ARHGAP28: variants seen among roughly 807,000 people sequenced by gnomAD.
The protein encoded by ARHGAP28 is rho GTPase-activating protein 28.
A neutral mutation model predicts 90.7 loss-of-function variants in ARHGAP28; 56 were observed. The observed-to-expected ratio is 0.62, with a 90% confidence interval of 0.50 to 0.77. The LOEUF is 0.77. ARHGAP28 is among the 30% of genes least tolerant of loss of function. The pLI is 0.00. For missense variants in ARHGAP28, 869 were observed against 900.9 expected (o/e 0.96, Z 0.45); for synonymous variants, 308 against 323.3 (o/e 0.95, Z 0.51).
chr18:6,791,844 T>TTTTG lies in ARHGAP28; in HGVS notation c.123-32898_123-32895dup, dbSNP rs1395681991. 1.6e-4 allele frequency among the ~76,000 whole-genome samples: 24 copies of TTTTG among 152,210 alleles called. No homozygotes were observed. In the South Asian group the frequency reaches 1.7e-3, roughly 11 times the overall value. On this transcript the variant is annotated intron_variant, in intron 1 of 17. Coordinates refer to ENST00000383472, the MANE Select transcript of ARHGAP28 (RefSeq NM_001366230.1). ...CTTTTTTTTTTAATTTGTGGGTTTT[T>TTTTG]TTTGTTTGTTTGTTTGTTTGTTTTT...
At chr18:6,794,707 G>A (rs1185649872) in intron 1 of ARHGAP28, among the ~76,000 whole-genome samples, 1 of 151,934 alleles carries the variant, frequency 6.6e-6, no homozygotes, top group African/African-American at 2.4e-5. Flanking sequence ...GTTTGGTCAG[G>A]GTCTTGCTCT....
rs1328799620 is a variant in ARHGAP28 at position 6,849,086 on chromosome 18, GA to G, written c.544-1935del. Among the ~76,000 whole-genome samples the G allele has an allele frequency of 1.5e-3, 210 of 137,868 alleles. 2 individuals are homozygous for G. Among genetic ancestry groups the G allele is most frequent in the African/African-American group, 4.6e-3 (174 of 37,552 alleles). 90.4% of individuals were successfully genotyped at this position (137,868 alleles called of 152,430 possible). On this transcript the variant is annotated intron_variant, in intron 3 of 17. Coordinates refer to ENST00000383472, the MANE Select transcript of ARHGAP28 (RefSeq NM_001366230.1). ...GTGAAAAAGCGAGAACCTGTCTCTA[GA>G]AAAAAAAAAAAATTAAAAAAATTAG...
chr18:6,756,784 A>G (rs1003717552), intron 1 of ARHGAP28, among the ~76,000 whole-genome samples: 3 of 152,200 alleles, frequency 2.0e-5, no homozygotes, highest in African/African-American at 7.2e-5. Context: ...GTGTGAGTCC[A>G]AGAGTCCAAA....
chr18:6,768,839 G>A (rs985732777), intron 1 of ARHGAP28, among the ~76,000 whole-genome samples: 2 of 152,042 alleles, frequency 1.3e-5, no homozygotes, highest in Non-Finnish European at 2.9e-5. Flanking sequence ...CGGTTCATCC[G>A]GGTGGAAAGC....
chr18:6,877,739 G>T (rs927865029), intron 10 of ARHGAP28, among the ~76,000 whole-genome samples: 2 of 152,274 alleles, frequency 1.3e-5, no homozygotes, highest in South Asian at 4.1e-4. Context: ...TCCGTTTCTC[G>T]TGTGTTTCGT....
intron 7 of ARHGAP28, 33 bp from the exon 8 acceptor site, chr18:6,873,376 A>G (rs2057104891): frequency 6.3e-7 from 1 of 1,581,228 alleles, no homozygotes; most frequent in Non-Finnish European, 8.6e-7. Context: ...TTCCTTTGCC[A>G]TAAAAAATAA....
At chr18:6,822,596 G>A (rs11081273) in intron 1 of ARHGAP28, among the ~76,000 whole-genome samples, 3,140 of 152,062 alleles carry the variant, frequency 0.021, 121 homozygotes, top group African/African-American at 0.072. Flanking sequence ...ATTATCACCC[G>A]GTTATCAGAC....
At chr18:6,810,563 C>T (rs1479145692) in intron 1 of ARHGAP28, among the ~76,000 whole-genome samples, 6 of 152,070 alleles carry the variant, frequency 3.9e-5, no homozygotes, top group Non-Finnish European at 7.4e-5. Context: ...CCAATAATCC[C>T]AATCCCTGTA....
At chr18:6,903,373 G>A (rs1250868798) in intron 16 of ARHGAP28, among the ~76,000 whole-genome samples, 1 of 152,144 alleles carries the variant, frequency 6.6e-6, no homozygotes, top group East Asian at 1.9e-4. Context: ...AATGTTTTAA[G>A]TGTGAGGATA....
chr18:6,853,165 G>GT (rs1257342034), intron 4 of ARHGAP28, among the ~76,000 whole-genome samples: 1 of 152,178 alleles, frequency 6.6e-6, no homozygotes, highest in Non-Finnish European at 1.5e-5. Flanking sequence ...GGTCCATGGT[G>GT]TAAACCAAAA....
chr18:6,754,101 T>A (rs9951953), intron 1 of ARHGAP28, among the ~76,000 whole-genome samples: 6,123 of 152,314 alleles, frequency 0.04, 413 homozygotes, highest in African/African-American at 0.14. Flanking sequence ...GAATACTGTT[T>A]AAAACATTAT....
At chr18:6,841,180 C>T (rs1329026728) in intron 3 of ARHGAP28, among the ~76,000 whole-genome samples, 14 of 57,068 alleles carry the variant, frequency 2.5e-4, no homozygotes, top group African/African-American at 1.0e-3. Flanking sequence ...CTCTCTCTCT[C>T]CTCTCTCTCT....
In ARHGAP28 at chr18:6,887,360, C is replaced by T. The variant is rs1465800672; in HGVS notation, c.1536+121C>T. On this transcript the variant is annotated intron_variant, in intron 12 of 17. Coordinates refer to ENST00000383472, the MANE Select transcript of ARHGAP28 (RefSeq NM_001366230.1). The stretch of plus-strand genomic sequence containing the variant: ...GAGCCACCTGAGCATGCTGCAAACA[C>T]ACGGCCTTTCTGTGCTCCCACTGCC... 7 of 818,306 alleles carry T rather than the reference C, an allele frequency of 8.6e-6. No individual in the cohort carries two copies. In the Admixed American group the frequency reaches 1.4e-4, roughly 17 times the overall value. 50.7% of individuals were successfully genotyped at this position (818,306 alleles called of 1,614,324 possible). A position where few individuals can be genotyped will look rare whatever the true frequency, so the allele number is the denominator to read the frequency against.
intron 1 of ARHGAP28, among the ~76,000 whole-genome samples, chr18:6,750,088 C>T (rs77439003): frequency 0.012 from 1,875 of 152,252 alleles, 37 homozygotes; most frequent in African/African-American, 0.043. Flanking sequence ...CCTACTCTCA[C>T]GTGTCTCTGG....
chr18:6,846,679 C>G (rs1449737365), intron 3 of ARHGAP28, among the ~76,000 whole-genome samples: 1 of 152,174 alleles, frequency 6.6e-6, no homozygotes, highest in Non-Finnish European at 1.5e-5. Context: ...CTTACTGCAG[C>G]CAGCGTCTCA....
At chr18:6,793,632 C>A (rs188591831) in intron 1 of ARHGAP28, among the ~76,000 whole-genome samples, 1 of 152,136 alleles carries the variant, frequency 6.6e-6, no homozygotes, top group East Asian at 1.9e-4. Flanking sequence ...AGTCATAATG[C>A]GAATTATAAA....
intron 1 of ARHGAP28, among the ~76,000 whole-genome samples, chr18:6,732,201 A>G (rs988883752): frequency 1.6e-4 from 24 of 151,960 alleles, no homozygotes; most frequent in African/African-American, 4.4e-4. Flanking sequence ...TATCTGGTAC[A>G]TTGTAGTAGC....
intron 1 of ARHGAP28, chr18:6,789,417 A>G: frequency 6.6e-6 from 1 of 152,192 alleles, no homozygotes; most frequent in Admixed American, 6.5e-5. Flanking sequence ...ACTAAAAAAA[A>G]TAAAATAATT....
intron 5 of ARHGAP28, among the ~76,000 whole-genome samples, chr18:6,864,588 T>G (rs922315959): frequency 4.6e-5 from 7 of 152,234 alleles, no homozygotes; most frequent in African/African-American, 1.7e-4. Flanking sequence ...TAAATATTAC[T>G]CATTTTTGTT....
Sources: allele counts gnomAD v4.1 joint callset (sites outside exome capture counted in the v4.1 genomes callset), GRCh38; gene constraint gnomAD v4.1.1; transcripts MANE v1.5; gene names NCBI Gene and HGNC (gene_info 2026-07-23, HGNC 2026-07-21).